CREB5: variants seen among roughly 807,000 people sequenced by gnomAD.
CREB5 encodes cAMP responsive element binding protein 5, also known as cyclic AMP-responsive element-binding protein 5.
In CREB5, 19 loss-of-function variants were observed where a neutral mutation model predicts 57.1. The observed-to-expected ratio is 0.33, with a 90% CI of 0.23 to 0.49. The LOEUF is 0.49. Ranked by LOEUF, CREB5 falls within the 20% of genes least tolerant of loss-of-function variation. CREB5 has a pLI of 0.99. For missense variants in CREB5, 579 were observed against 671.6 expected (o/e 0.86, Z 1.52); for synonymous variants, 238 against 238.3 (o/e 1.00, Z 0.01).
chr7:28,755,339 A>C (rs955784242), intron 7 of CREB5, among the ~76,000 whole-genome samples: 4 of 152,250 alleles, frequency 2.6e-5, no homozygotes, highest in Admixed American at 1.3e-4. Flanking sequence ...GCTGCTGAAG[A>C]TACAAACTCT....
At chr7:28,469,203 C>T (rs771826674) in intron 1 of CREB5, among the ~76,000 whole-genome samples, 5 of 151,974 alleles carry the variant, frequency 3.3e-5, no homozygotes, top group Non-Finnish European at 7.4e-5. Flanking sequence ...CCTGGGCAAC[C>T]GGCAAGACCC....
chr7:28,573,514 C>T (rs934489907), intron 5 of CREB5, among the ~76,000 whole-genome samples: 6 of 152,206 alleles, frequency 3.9e-5, no homozygotes, highest in South Asian at 2.1e-4. Context: ...CTGCGGCCAG[C>T]GGGTGTGTTC....
At chr7:28,768,622 G>C (rs1806135961) in intron 7 of CREB5, among the ~76,000 whole-genome samples, 1 of 152,208 alleles carries the variant, frequency 6.6e-6, no homozygotes, top group African/African-American at 2.4e-5. Context: ...GGTACTGTGT[G>C]TGTGTGTTTG....
At chr7:28,460,831 A>G (rs898969519) in intron 1 of CREB5, among the ~76,000 whole-genome samples, 2 of 152,036 alleles carry the variant, frequency 1.3e-5, no homozygotes, top group African/African-American at 4.8e-5. Flanking sequence ...GAAGGAAGTG[A>G]GAGGGGAGAA....
At chr7:28,426,783 T>C (rs1427093842) in intron 1 of CREB5, among the ~76,000 whole-genome samples, 1 of 152,256 alleles carries the variant, frequency 6.6e-6, no homozygotes, top group Non-Finnish European at 1.5e-5. Context: ...TTTCATAAAC[T>C]CCCTCTCCTG....
chr7:28,686,175 T>G (rs201537143), intron 5 of CREB5: 1 of 1,613,388 alleles, frequency 6.2e-7, no homozygotes, highest in Non-Finnish European at 8.5e-7. Context: ...AGGAGGGAAT[T>G]CAGCCTCAGT....
intron 4 of CREB5, among the ~76,000 whole-genome samples, chr7:28,519,720 C>T (rs1242975776): frequency 1.3e-5 from 2 of 152,204 alleles, no homozygotes; most frequent in African/African-American, 2.4e-5. Flanking sequence ...CACAACTGCT[C>T]AGTGCTGCAC....
At chr7:28,684,003 T>TG (rs900587989) in intron 5 of CREB5, among the ~76,000 whole-genome samples, 1 of 149,942 alleles carries the variant, frequency 6.7e-6, no homozygotes, top group African/African-American at 2.4e-5. Flanking sequence ...GGAGGGGAGA[T>TG]TTGGGGGGTA....
intron 7 of CREB5, among the ~76,000 whole-genome samples, chr7:28,726,063 A>G (rs191550914): frequency 6.6e-6 from 1 of 152,216 alleles, no homozygotes; most frequent in Non-Finnish European, 1.5e-5. Context: ...ATAGTGAATC[A>G]TGTCAGTTGG....
chr7:28,503,183 G>A (rs1168842978), intron 3 of CREB5, among the ~76,000 whole-genome samples: 1 of 152,184 alleles, frequency 6.6e-6, no homozygotes, highest in Non-Finnish European at 1.5e-5. Context: ...CAATCTGCTG[G>A]ATCGATCCAC....
chr7:28,560,825 C>CGTGCGTGCGT lies in CREB5; in HGVS notation c.292-9539_292-9538insTGCGTGCGTG, dbSNP rs1562797019. Among the ~76,000 whole-genome samples, 66 of 37,606 alleles carry CGTGCGTGCGT rather than the reference C, an allele frequency of 1.8e-3. 3 individuals carry two copies. Among genetic ancestry groups the CGTGCGTGCGT allele is most frequent in the East Asian group, 3.3e-3 (4 of 1,202 alleles). 24.7% of individuals were successfully genotyped at this position (37,606 alleles called of 152,430 possible). The stretch of plus-strand genomic sequence containing the variant: ...GTGTGTGCGCGTGTGTGTGTGTGCG[C>CGTGCGTGCGT]GCGCGCGCGTGTGTGTGTGCGCGTG... On this transcript the variant is annotated intron_variant, in intron 4 of 10. Transcript: ENST00000357727.
chr7:28,379,979 TG>T (rs1786934810), intron 1 of CREB5, among the ~76,000 whole-genome samples: 1 of 152,168 alleles, frequency 6.6e-6, no homozygotes, highest in Admixed American at 6.5e-5. Context: ...AGCCTCAAAC[TG>T]GGCTCAGGTG....
At chr7:28,725,765 G>A (rs192546266) in intron 7 of CREB5, among the ~76,000 whole-genome samples, 1 of 151,970 alleles carries the variant, frequency 6.6e-6, no homozygotes, top group Admixed American at 6.6e-5. Context: ...AATACTCAGG[G>A]TCTGTGTCTG....
chr7:28,782,638 C>T (rs1047120132), intron 7 of CREB5, among the ~76,000 whole-genome samples: 1 of 152,040 alleles, frequency 6.6e-6, no homozygotes, highest in Non-Finnish European at 1.5e-5. Context: ...GTATTCAACT[C>T]AACAATAGAC....
intron 3 of CREB5, 25 bp downstream of exon 3, chr7:28,495,024 C>T (rs777192547): frequency 2.0e-6 from 3 of 1,535,116 alleles, no homozygotes; most frequent in Admixed American, 4.1e-5. Flanking sequence ...GGAAAAGAAG[C>T]TTTGGGTGAT....
At chr7:28,798,450 G>A (rs1200496135) in intron 7 of CREB5, among the ~76,000 whole-genome samples, 1 of 152,142 alleles carries the variant, frequency 6.6e-6, no homozygotes, top group African/African-American at 2.4e-5. Flanking sequence ...ATGACGTGTG[G>A]GTGTACCCAG....
intron 5 of CREB5, among the ~76,000 whole-genome samples, chr7:28,664,775 G>A (rs937419448): frequency 2.0e-5 from 3 of 152,054 alleles, no homozygotes; most frequent in African/African-American, 7.2e-5. Context: ...GTAACAAAAT[G>A]GACAGCCCTT....
chr7:28,427,517 G>A (rs1047757209), intron 1 of CREB5, among the ~76,000 whole-genome samples: 5 of 151,970 alleles, frequency 3.3e-5, no homozygotes, highest in Non-Finnish European at 5.9e-5. Context: ...TCTTCCTTTA[G>A]GGTTGAGCTT....
chr7:28,338,521 T>A (rs939159715), intron 1 of CREB5, among the ~76,000 whole-genome samples: 1 of 152,172 alleles, frequency 6.6e-6, no homozygotes, highest in Non-Finnish European at 1.5e-5. Flanking sequence ...GTTATTTATT[T>A]CTTTTCTCTT....
Sources: gnomAD v4.1 joint callset for allele counts (sites outside exome capture counted in the v4.1 genomes callset) on GRCh38, gnomAD v4.1.1 for gene constraint, MANE v1.5 for transcripts, NCBI Gene and HGNC (gene_info 2026-07-23, HGNC 2026-07-21) for gene names.